NRG3: variants seen among roughly 807,000 people sequenced by gnomAD.
NRG3 encodes the protein neuregulin 3.
In NRG3, 31 loss-of-function variants were observed where a neutral mutation model predicts 66.9. The ratio of observed to expected loss-of-function variants is 0.46; its 90% CI spans 0.35 to 0.63. The LOEUF (loss-of-function observed/expected upper bound fraction) is 0.63, where lower values mean the gene tolerates loss of function less well. Ranked by LOEUF, NRG3 falls within the 20% of genes least tolerant of loss-of-function variation. The pLI is 0.00. For missense variants in NRG3, 910 were observed against 878.9 expected, an observed-to-expected ratio of 1.04 and a Z score of -0.45; for synonymous variants, 393 against 359.4, an observed-to-expected ratio of 1.09 and a Z score of -1.06.
intron 2 of NRG3, among the ~76,000 whole-genome samples, chr10:82,656,575 G>A (rs2051880781): frequency 6.6e-6 from 1 of 151,460 alleles, no homozygotes; most frequent in Non-Finnish European, 1.5e-5. Context: ...CAAATCTTTA[G>A]TTCTCTAGCC....
intron 2 of NRG3, among the ~76,000 whole-genome samples, chr10:82,630,446 T>G (rs1432272845): frequency 6.6e-6 from 1 of 151,666 alleles, no homozygotes; most frequent in Admixed American, 6.6e-5. Context: ...AAGTCAGTTC[T>G]AGTCCTAGCA....
At position 81,948,049 on chromosome 10, in the gene NRG3, C is replaced by G. The variant is rs573389465; in HGVS notation, c.823+71886C>G. ...TTGTCTGAAGGTTGCTTATTCCACTCCCTAATCATAGTGGCTACAAAAGAT... is the reference window on the plus strand; with the variant it reads ...TTGTCTGAAGGTTGCTTATTCCACTGCCTAATCATAGTGGCTACAAAAGAT... On this transcript the variant is annotated intron_variant, in intron 1 of 8. Coordinates refer to ENST00000372141, the MANE Select transcript of NRG3 (RefSeq NM_001010848.4). Among the ~76,000 whole-genome samples, 660 of 152,254 alleles carry G rather than the reference C, an allele frequency of 4.3e-3. 4 individuals are homozygous for G. Among genetic ancestry groups the G allele is most frequent in the African/African-American group, 0.015 (623 of 41,564 alleles).
chr10:82,761,922 C>CCCTT (rs778602380), intron 3 of NRG3, among the ~76,000 whole-genome samples: 1 of 123,852 alleles, frequency 8.1e-6, no homozygotes, highest in East Asian at 2.4e-4. Flanking sequence ...TTCTTTCTTT[C>CCCTT]TCTTTCTTTC....
At chr10:82,242,086 A>G in intron 1 of NRG3, among the ~76,000 whole-genome samples, 1 of 152,322 alleles carries the variant, frequency 6.6e-6, no homozygotes, top group South Asian at 2.1e-4. Flanking sequence ...CAACATTTAT[A>G]TAGTGAATGA....
At chr10:82,796,477 T>TG (rs1305957743) in intron 3 of NRG3, among the ~76,000 whole-genome samples, 1 of 152,000 alleles carries the variant, frequency 6.6e-6, no homozygotes, top group Non-Finnish European at 1.5e-5. Flanking sequence ...TCAAATGGAA[T>TG]GTCCATCCAA....
chr10:82,470,505 T>C (rs900436941), intron 2 of NRG3, among the ~76,000 whole-genome samples: 1 of 151,844 alleles, frequency 6.6e-6, no homozygotes, highest in Admixed American at 6.6e-5. Context: ...TCATGGAGAG[T>C]TCAATAGTAC....
chr10:81,894,935 G>C (rs575418680), intron 1 of NRG3, among the ~76,000 whole-genome samples: 147 of 152,286 alleles, frequency 9.7e-4, no homozygotes, highest in African/African-American at 3.3e-3. Context: ...GTGGAGAGGT[G>C]GGTGAACATC....
At chr10:82,608,369 A>C (rs749421524) in intron 2 of NRG3, among the ~76,000 whole-genome samples, 9 of 152,042 alleles carry the variant, frequency 5.9e-5, no homozygotes, top group Non-Finnish European at 1.2e-4. Context: ...TGTGGTTTGA[A>C]CTTGATATGC....
At chr10:82,878,393 T>C (rs1842020886) in intron 4 of NRG3, among the ~76,000 whole-genome samples, 1 of 152,192 alleles carries the variant, frequency 6.6e-6, no homozygotes, top group Admixed American at 6.5e-5. Context: ...GTGTGCAGAG[T>C]TTGCCTGAAG....
intron 1 of NRG3, among the ~76,000 whole-genome samples, chr10:82,115,273 C>T (rs189994425): frequency 6.6e-6 from 1 of 152,200 alleles, no homozygotes; most frequent in Admixed American, 6.5e-5. Context: ...CTAGATACTG[C>T]ATAAATGCAA....
At chr10:82,147,212 T>C (rs968598434) in intron 1 of NRG3, among the ~76,000 whole-genome samples, 4 of 152,178 alleles carry the variant, frequency 2.6e-5, no homozygotes, top group African/African-American at 9.6e-5. Context: ...ACATCAACCA[T>C]GTGAGATAGG....
At chr10:82,588,186 A>G (rs377706267) in intron 2 of NRG3, among the ~76,000 whole-genome samples, 8 of 151,948 alleles carry the variant, frequency 5.3e-5, no homozygotes, top group African/African-American at 1.9e-4. Flanking sequence ...TGGATATTTG[A>G]CCCCTCTAAG....
chr10:82,608,990 T>C (rs2048136797), intron 2 of NRG3, among the ~76,000 whole-genome samples: 1 of 152,188 alleles, frequency 6.6e-6, no homozygotes, highest in Non-Finnish European at 1.5e-5. Flanking sequence ...GTTCCTACCC[T>C]GATAGCCCTC....
intron 3 of NRG3, chr10:82,858,989 C>T (rs376277349): frequency 1.3e-5 from 2 of 148,762 alleles, no homozygotes; most frequent in Non-Finnish European, 1.5e-5. Context: ...CTCTGTCGCC[C>T]AGGCTGGAGT....
chr10:81,879,501 A>G (rs1371373796), intron 1 of NRG3, among the ~76,000 whole-genome samples: 1 of 152,250 alleles, frequency 6.6e-6, no homozygotes, highest in Non-Finnish European at 1.5e-5. Flanking sequence ...ATACTGTTTA[A>G]CAGGTGGTAG....
intron 4 of NRG3, among the ~76,000 whole-genome samples, chr10:82,894,481 A>G (rs1001910260): frequency 6.6e-6 from 1 of 152,172 alleles, no homozygotes; most frequent in African/African-American, 2.4e-5. Flanking sequence ...TTGTGTCAAC[A>G]TCTCCCATTT....
At chr10:82,179,166 G>A (rs996408183) in intron 1 of NRG3, among the ~76,000 whole-genome samples, 14 of 151,740 alleles carry the variant, frequency 9.2e-5, no homozygotes, top group African/African-American at 3.1e-4. Flanking sequence ...TCAGATATAT[G>A]GTTGGAAATA....
chr10:82,532,615 C>G (rs978717469), intron 2 of NRG3, among the ~76,000 whole-genome samples: 2 of 147,060 alleles, frequency 1.4e-5, no homozygotes, highest in African/African-American at 5.0e-5. Flanking sequence ...GTATATAGTA[C>G]TATATAGAGA....
chr10:81,882,904 A>G (rs1267195452), intron 1 of NRG3, among the ~76,000 whole-genome samples: 1 of 152,114 alleles, frequency 6.6e-6, no homozygotes. Flanking sequence ...ATCATTTCTC[A>G]TTCTTTGCTT....
Sources: allele counts gnomAD v4.1 joint callset (sites outside exome capture counted in the v4.1 genomes callset), GRCh38; gene constraint gnomAD v4.1.1; transcripts MANE v1.5; gene names NCBI Gene and HGNC (gene_info 2026-07-23, HGNC 2026-07-21).